EXOC6: variants seen among roughly 807,000 people sequenced by gnomAD.
The protein encoded by EXOC6 is SEC15-like 1.
EXOC6 carries 60 observed loss-of-function variants against 112.5 expected under a neutral mutation model. That is an observed-to-expected ratio of 0.53 (90% confidence interval 0.43 to 0.66). EXOC6 has a LOEUF of 0.66. EXOC6 is among the 30% of genes least tolerant of loss of function. EXOC6 has a pLI of 0.00. For synonymous variants in EXOC6, 295 were observed against 308.0 expected, an observed-to-expected ratio of 0.96 and a Z score of 0.44; for missense variants, 855 against 957.1, an observed-to-expected ratio of 0.89 and a Z score of 1.41.
At chr10:92,844,297 A>G (rs1413865982), upstream of EXOC6, among the ~76,000 whole-genome samples, 2 of 152,240 alleles carry the variant, frequency 1.3e-5, no homozygotes, top group Non-Finnish European at 2.9e-5. Context: ...CAATACAGGC[A>G]TCGTCCCTGT....
At position 92,974,053 on chromosome 10, in the gene EXOC6, G is replaced by T; in HGVS notation, c.1774G>T (p.Asp592Tyr). Residue 592 changes from aspartate (D) to tyrosine (Y), a missense_variant and splice_region_variant, in exon 18 of 22, where the codon GAT becomes TAT. Physicochemically the swap from Asp to Tyr is radical, Grantham distance 160 (BLOSUM62 -3). Around this residue, in one of 2 missense-constraint regions of EXOC6, gnomAD observed 450 missense variants for 563.5 expected, o/e 0.80. Coordinates refer to ENST00000260762, the MANE Select transcript of EXOC6 (RefSeq NM_019053.6). ...TTGTTGTTATTTTGTCCCATGTCAG[G>T]ATGCTCGACATGCAGCAGAAGGAGA... ...TRLYGLSTFK[D>Y]ARHAAEGEIY... 6.3e-7 allele frequency: 1 copy of T among 1,584,400 alleles called. No homozygotes were observed. Among genetic ancestry groups the T allele is most frequent in the Non-Finnish European group, 8.5e-7 (1 of 1,172,098 alleles).
At chr10:92,906,935 GA>G (rs1726723823) in intron 5 of EXOC6, among the ~76,000 whole-genome samples, 1 of 152,134 alleles carries the variant, frequency 6.6e-6, no homozygotes, top group Non-Finnish European at 1.5e-5. Flanking sequence ...ATCTAAAGGA[GA>G]AATGGTAATC....
intron 19 of EXOC6, among the ~76,000 whole-genome samples, chr10:93,013,424 G>C (rs934094304): frequency 6.6e-6 from 1 of 151,902 alleles, no homozygotes; most frequent in East Asian, 1.9e-4. Context: ...TGGGCAACAT[G>C]GTGAAACTCC....
At chr10:92,998,399 T>G (rs536021679) in intron 19 of EXOC6, among the ~76,000 whole-genome samples, 1 of 152,174 alleles carries the variant, frequency 6.6e-6, no homozygotes, top group African/African-American at 2.4e-5. Context: ...AGAAGGATTA[T>G]AAAATATTTG....
chr10:93,022,301 T>G (rs1369543296), intron 20 of EXOC6, among the ~76,000 whole-genome samples: 1 of 152,168 alleles, frequency 6.6e-6, no homozygotes, highest in Admixed American at 6.5e-5. Flanking sequence ...TTGTGAAATC[T>G]ATGATGATGT....
chr10:92,943,713 T>A (rs1263779538), intron 13 of EXOC6, among the ~76,000 whole-genome samples: 1 of 151,940 alleles, frequency 6.6e-6, no homozygotes, highest in Non-Finnish European at 1.5e-5. Flanking sequence ...CGTACTTATT[T>A]TTTTTTTTTA....
intron 1 of EXOC6, among the ~76,000 whole-genome samples, chr10:92,843,341 G>A (rs759907830): frequency 7.2e-5 from 11 of 152,242 alleles, no homozygotes; most frequent in Admixed American, 2.0e-4. Flanking sequence ...CATCTGAAAC[G>A]AGTGGCTAAA....
At chr10:92,982,775 A>G (rs1842872615) in intron 18 of EXOC6, among the ~76,000 whole-genome samples, 2 of 152,100 alleles carry the variant, frequency 1.3e-5, no homozygotes, top group East Asian at 3.9e-4. Context: ...TCCTTTGAAG[A>G]GTTTTTTTTC....
intron 1 of EXOC6, among the ~76,000 whole-genome samples, chr10:92,858,024 C>CCCCCG (rs1847701105): frequency 7.7e-6 from 1 of 130,358 alleles, no homozygotes; most frequent in Non-Finnish European, 1.6e-5. Flanking sequence ...TGACGGGTTC[C>CCCCCG]CCCCCTCCGC....
At chr10:92,875,374 A>AC (rs530362351) in intron 1 of EXOC6, among the ~76,000 whole-genome samples, 1,548 of 152,168 alleles carry the variant, frequency 0.01, 30 homozygotes, top group African/African-American at 0.035. Flanking sequence ...TACACACACA[A>AC]ATATATTTTA....
At chr10:92,898,732 G>A (rs1589791270) in intron 4 of EXOC6, among the ~76,000 whole-genome samples, 1 of 152,216 alleles carries the variant, frequency 6.6e-6, no homozygotes, top group East Asian at 1.9e-4. Context: ...AGTCAGGGTT[G>A]ATTCACTACA....
At chr10:93,049,088 C>T (rs553711363) in intron 20 of EXOC6, among the ~76,000 whole-genome samples, 2 of 150,246 alleles carry the variant, frequency 1.3e-5, no homozygotes, top group African/African-American at 2.4e-5. Flanking sequence ...GGCAGAGTCT[C>T]GCTCTGTCGC....
chr10:93,056,351 T>C (rs1846535993), intron 20 of EXOC6, among the ~76,000 whole-genome samples: 1 of 152,222 alleles, frequency 6.6e-6, no homozygotes. Context: ...GGCTGAATCC[T>C]GAAGCCCTCA....
intron 20 of EXOC6, among the ~76,000 whole-genome samples, chr10:93,045,140 G>A (rs963011919): frequency 1.3e-5 from 2 of 152,178 alleles, no homozygotes; most frequent in African/African-American, 4.8e-5. Context: ...CTAAAGTGCT[G>A]GGATTACAGG....
At chr10:92,923,196 G>C (rs1005294558) in intron 8 of EXOC6, among the ~76,000 whole-genome samples, 4 of 152,134 alleles carry the variant, frequency 2.6e-5, no homozygotes, top group Non-Finnish European at 5.9e-5. Context: ...GTGGAATCAG[G>C]CACACAATTT....
intron 15 of EXOC6, among the ~76,000 whole-genome samples, chr10:92,953,276 G>A (rs1280790457): frequency 6.6e-6 from 1 of 151,924 alleles, no homozygotes; most frequent in Admixed American, 6.6e-5. Context: ...ATGAGGTTGT[G>A]CCATGTTGGT....
intron 1 of EXOC6, among the ~76,000 whole-genome samples, chr10:92,888,735 A>G (rs886454949): frequency 6.6e-6 from 1 of 152,248 alleles, no homozygotes; most frequent in African/African-American, 2.4e-5. Flanking sequence ...TAAATACAAT[A>G]CTTTCTCATA....
At position 92,912,586 on chromosome 10, in the gene EXOC6, A is replaced by G. The variant is rs189361870; in HGVS notation, c.663+2955A>G. ...ATCTATAGGTAGAAGTACAGTATAC[A>G]GAGATAAAAATTTACAATACAGTGT... On this transcript the variant is annotated intron_variant, in intron 6 of 21. Coordinates refer to ENST00000260762, the MANE Select transcript of EXOC6 (RefSeq NM_019053.6). Among the ~76,000 whole-genome samples the G allele has an allele frequency of 3.4e-3, 525 of 152,342 alleles. 1 individual carries two copies. Among genetic ancestry groups the G allele is most frequent in the African/African-American group, 0.012 (507 of 41,568 alleles).
At chr10:92,957,060 T>C (rs1240674770) in intron 17 of EXOC6, among the ~76,000 whole-genome samples, 1 of 152,144 alleles carries the variant, frequency 6.6e-6, no homozygotes, top group Non-Finnish European at 1.5e-5. Context: ...CAATATGGTA[T>C]AATAAGTATG....
Sources: gnomAD v4.1 joint callset for allele counts (sites outside exome capture counted in the v4.1 genomes callset) on GRCh38, gnomAD v4.1.1 for gene constraint, gnomAD v4.1.1 regional missense constraint, MANE v1.5 for transcripts, NCBI Gene and HGNC (gene_info 2026-07-23, HGNC 2026-07-21) for gene names.